PPARGC1A: variants seen among roughly 807,000 people sequenced by gnomAD.
PPARGC1A encodes the protein PPARG coactivator 1 alpha.
A neutral mutation model predicts 88.7 loss-of-function variants in PPARGC1A; 25 were observed. The ratio of observed to expected loss-of-function variants is 0.28; its 90% confidence interval spans 0.21 to 0.39. PPARGC1A has a LOEUF of 0.39. PPARGC1A is among the 10% of genes least tolerant of loss of function. The pLI, the probability that PPARGC1A is intolerant of heterozygous loss-of-function variation, is 1.00. For synonymous variants in PPARGC1A, 363 were observed against 355.6 expected (o/e 1.02, Z -0.24); for missense variants, 880 against 968.7 (o/e 0.91, Z 1.22).
chr4:24,054,269 G>A, the PPARGC1A span, among the ~76,000 whole-genome samples: 2 of 150,682 alleles, frequency 1.3e-5, no homozygotes, highest in African/African-American at 2.5e-5. Flanking sequence ...GGTGGTGTCT[G>A]GGAGGAAGTG....
chr4:24,277,914 C>T, the PPARGC1A span, among the ~76,000 whole-genome samples: 261 of 152,222 alleles, frequency 1.7e-3, no homozygotes, highest in Non-Finnish European at 2.9e-3. Context: ...GTGGCTCATA[C>T]CCGTAACCCC....
At chr4:23,822,961 C>A (rs1246831543) in intron 7 of PPARGC1A, among the ~76,000 whole-genome samples, 1 of 152,074 alleles carries the variant, frequency 6.6e-6, no homozygotes, top group Non-Finnish European at 1.5e-5. Context: ...GGTGGTGGAA[C>A]ATATCCAGTA....
At chr4:24,054,629 T>C in the PPARGC1A span, among the ~76,000 whole-genome samples, 4 of 152,228 alleles carry the variant, frequency 2.6e-5, no homozygotes, top group South Asian at 8.3e-4. Context: ...TTAATTCCCA[T>C]GGTAAAAACA....
intron 2 of PPARGC1A, among the ~76,000 whole-genome samples, chr4:23,832,465 T>C (rs569990249): frequency 1.2e-4 from 18 of 152,282 alleles, no homozygotes; most frequent in African/African-American, 3.4e-4. Flanking sequence ...CAATTCTTCA[T>C]ACCCAAACTC....
At chr4:23,943,733 C>T in the PPARGC1A span, among the ~76,000 whole-genome samples, 1,127 of 152,220 alleles carry the variant, frequency 7.4e-3, 5 homozygotes, top group Middle Eastern at 0.014. Context: ...CCCTGGCACC[C>T]ATGACCTCCG....
chr4:24,341,562 T>G, the PPARGC1A span, among the ~76,000 whole-genome samples: 1 of 152,056 alleles, frequency 6.6e-6, no homozygotes, highest in Non-Finnish European at 1.5e-5. Context: ...TAAGGATACT[T>G]TAAGAAAAGA....
chr4:24,242,437 T>C, the PPARGC1A span, among the ~76,000 whole-genome samples: 390 of 152,328 alleles, frequency 2.6e-3, 4 homozygotes, highest in African/African-American at 9.0e-3. Context: ...TTTTCCTACC[T>C]GGAACACCTT....
At chr4:24,348,427 C>T in the PPARGC1A span, among the ~76,000 whole-genome samples, 1 of 152,162 alleles carries the variant, frequency 6.6e-6, no homozygotes, top group African/African-American at 2.4e-5. Context: ...TCTCTTCTTC[C>T]TCAGGTACAC....
At chr4:24,020,961 A>C in the PPARGC1A span, among the ~76,000 whole-genome samples, 1 of 152,206 alleles carries the variant, frequency 6.6e-6, no homozygotes, top group Non-Finnish European at 1.5e-5. Context: ...CCAGTGTGGC[A>C]GTTGGCTTAG....
the PPARGC1A span, among the ~76,000 whole-genome samples, chr4:24,090,356 T>C: frequency 6.6e-6 from 1 of 152,126 alleles, no homozygotes; most frequent in South Asian, 2.1e-4. Context: ...CTAGAGGGTG[T>C]TTTTTTCTGA....
chr4:24,123,910 C>CAAAA, the PPARGC1A span, among the ~76,000 whole-genome samples: 87 of 123,408 alleles, frequency 7.0e-4, 1 homozygote, highest in African/African-American at 1.7e-3. Context: ...TCTAAGTTGG[C>CAAAA]AAAAAAAAAA....
chr4:23,956,439 T>C, the PPARGC1A span, among the ~76,000 whole-genome samples: 1 of 152,094 alleles, frequency 6.6e-6, no homozygotes, highest in Non-Finnish European at 1.5e-5. Flanking sequence ...GATTTTCCTA[T>C]ATCCAGGGTT....
chr4:24,360,153 A>C, the PPARGC1A span, among the ~76,000 whole-genome samples: 1 of 151,750 alleles, frequency 6.6e-6, no homozygotes, highest in African/African-American at 2.4e-5. Context: ...AGCCACATCA[A>C]CTCTCCCCTG....
chr4:24,289,113 G>T, the PPARGC1A span, among the ~76,000 whole-genome samples: 1 of 151,424 alleles, frequency 6.6e-6, no homozygotes, highest in East Asian at 1.9e-4. Flanking sequence ...CCAGCTACTT[G>T]GGAGGCTGAG....
chr4:24,115,965 A>G, the PPARGC1A span, among the ~76,000 whole-genome samples: 1 of 152,132 alleles, frequency 6.6e-6, no homozygotes, highest in East Asian at 1.9e-4. Context: ...ATGGGGGAAG[A>G]GACTTTTTAA....
intron 4 of PPARGC1A, 136 bp from the exon 5 acceptor site, chr4:23,828,740 CTGTT>C (rs796622600): frequency 1.9e-5 from 14 of 729,570 alleles, no homozygotes; most frequent in African/African-American, 8.9e-5. Flanking sequence ...CTGTGAATAA[CTGTT>C]TGCAGAACAA....
At chr4:23,918,298 C>T in the PPARGC1A span, among the ~76,000 whole-genome samples, 5 of 151,810 alleles carry the variant, frequency 3.3e-5, no homozygotes, top group Non-Finnish European at 7.4e-5. Context: ...TCTCTGTTCA[C>T]TACAACCTCA....
the PPARGC1A span, among the ~76,000 whole-genome samples, chr4:23,987,706 C>T: frequency 6.6e-6 from 1 of 152,030 alleles, no homozygotes. Context: ...CATTTCTCCA[C>T]TCAATTAGAA....
chr4:24,450,447 C>T, the PPARGC1A span, among the ~76,000 whole-genome samples: 7 of 152,216 alleles, frequency 4.6e-5, no homozygotes, highest in African/African-American at 1.2e-4. Context: ...TTCGCCATCA[C>T]ATTATACTTA....
Sources: gnomAD v4.1 joint callset for allele counts (sites outside exome capture counted in the v4.1 genomes callset) on GRCh38, gnomAD v4.1.1 for gene constraint, MANE v1.5 for transcripts, NCBI Gene and HGNC (gene_info 2026-07-23, HGNC 2026-07-21) for gene names.